MACROD2: variants seen among roughly 807,000 people sequenced by gnomAD.
MACROD2 encodes mono-ADP ribosylhydrolase 2.
Under a neutral mutation model 70.4 loss-of-function variants are expected in MACROD2, and 36 were observed. That is an observed-to-expected ratio of 0.51 (90% CI 0.39 to 0.68). The LOEUF is 0.68. MACROD2 is among the 30% of genes least tolerant of loss of function. MACROD2 has a pLI of 0.00. For synonymous variants in MACROD2, 172 were observed against 178.8 expected (o/e 0.96, Z 0.30); for missense variants, 496 against 538.4 (o/e 0.92, Z 0.78).
chr20:14,060,144 G>A, intron 2 of MACROD2, among the ~76,000 whole-genome samples: 1 of 152,152 alleles, frequency 6.6e-6, no homozygotes, highest in East Asian at 1.9e-4. Flanking sequence ...AAACAAAATT[G>A]AAGTTACTTT....
Position 15,711,112 on chromosome 20 carries a change from C to T in MACROD2, c.646-151633C>T, listed in dbSNP as rs76174529. Among the ~76,000 whole-genome samples the T allele has an allele frequency of 2.6e-3, 395 of 152,244 alleles. 3 individuals are homozygous for T. Among genetic ancestry groups the T allele is most frequent in the African/African-American group, 9.1e-3 (379 of 41,538 alleles). On this transcript the variant is annotated intron_variant, in intron 8 of 17. Coordinates refer to ENST00000684519, the MANE Select transcript of MACROD2 (RefSeq NM_001351661.2). ...CTCCGGTGTCCCCGTTTTGAATTCTCCAAGTCTGTGAAGGGTGTTGAAGAC... is the reference window on the plus strand; with the variant it reads ...CTCCGGTGTCCCCGTTTTGAATTCTTCAAGTCTGTGAAGGGTGTTGAAGAC...
intron 3 of MACROD2, among the ~76,000 whole-genome samples, chr20:14,133,594 A>G (rs1053859013): frequency 6.6e-6 from 1 of 152,244 alleles, no homozygotes; most frequent in African/African-American, 2.4e-5. Context: ...CATTTCAGAT[A>G]GGTTTGTTAG....
chr20:14,130,765 A>G (rs1353774076), intron 3 of MACROD2, among the ~76,000 whole-genome samples: 5 of 152,118 alleles, frequency 3.3e-5, no homozygotes, highest in Admixed American at 6.5e-5. Context: ...CCTTTCAAAT[A>G]AAAGCAAATT....
At chr20:14,685,592 G>T (rs957178642) in intron 5 of MACROD2, among the ~76,000 whole-genome samples, 1 of 152,164 alleles carries the variant, frequency 6.6e-6, no homozygotes, top group Non-Finnish European at 1.5e-5. Flanking sequence ...TCAACCAACT[G>T]GGTGGCATGG....
chr20:14,346,055 C>T (rs1033763597), intron 3 of MACROD2, among the ~76,000 whole-genome samples: 1 of 135,498 alleles, frequency 7.4e-6, no homozygotes. Flanking sequence ...GATTGCACCA[C>T]TGCACTCCAG....
chr20:15,710,236 A>C (rs1325828750), intron 8 of MACROD2, among the ~76,000 whole-genome samples: 2 of 152,122 alleles, frequency 1.3e-5, no homozygotes, highest in African/African-American at 4.8e-5. Context: ...AGGATGCAAA[A>C]AAAGTGAACC....
At chr20:14,779,378 T>G (rs930020624) in intron 5 of MACROD2, among the ~76,000 whole-genome samples, 2 of 152,116 alleles carry the variant, frequency 1.3e-5, no homozygotes, top group African/African-American at 4.8e-5. Context: ...TATTGACATG[T>G]AATGATATAT....
At chr20:16,043,847 C>T (rs1398573132) in intron 16 of MACROD2, among the ~76,000 whole-genome samples, 2 of 152,034 alleles carry the variant, frequency 1.3e-5, no homozygotes, top group African/African-American at 2.4e-5. Flanking sequence ...TTTGCTTTGC[C>T]TTCTCTCTTT....
intron 8 of MACROD2, among the ~76,000 whole-genome samples, chr20:15,583,786 G>A (rs2048559464): frequency 6.6e-6 from 1 of 152,184 alleles, no homozygotes; most frequent in Non-Finnish European, 1.5e-5. Flanking sequence ...TGAGATTACA[G>A]GTGTGTGCCA....
chr20:14,615,693 G>T (rs939449293), intron 4 of MACROD2, among the ~76,000 whole-genome samples: 1 of 152,136 alleles, frequency 6.6e-6, no homozygotes, highest in African/African-American at 2.4e-5. Context: ...ATATGTGCCA[G>T]TGTGTATTAG....
chr20:16,028,607 T>G (rs1358411217), intron 15 of MACROD2, among the ~76,000 whole-genome samples: 1 of 152,182 alleles, frequency 6.6e-6, no homozygotes, highest in Non-Finnish European at 1.5e-5. Context: ...TGATTTTGAT[T>G]AGGGTAGAGT....
intron 8 of MACROD2, among the ~76,000 whole-genome samples, chr20:15,501,588 A>G (rs867795662): frequency 6.6e-6 from 1 of 152,168 alleles, no homozygotes; most frequent in Admixed American, 6.5e-5. Context: ...TTTTGCTTTC[A>G]TATCCTTTTA....
chr20:15,915,411 CA>C (rs762648314), intron 10 of MACROD2, among the ~76,000 whole-genome samples: 1 of 152,074 alleles, frequency 6.6e-6, no homozygotes, highest in Non-Finnish European at 1.5e-5. Flanking sequence ...AGCTCTGTGC[CA>C]GGTACTAGGA....
chr20:14,854,923 G>T (rs1449427808), intron 5 of MACROD2, among the ~76,000 whole-genome samples: 1 of 152,136 alleles, frequency 6.6e-6, no homozygotes, highest in Non-Finnish European at 1.5e-5. Context: ...GGCTGAGGCA[G>T]GAGAATGGCG....
At chr20:15,931,826 A>C (rs6105497) in intron 10 of MACROD2, among the ~76,000 whole-genome samples, 9,554 of 152,044 alleles carry the variant, frequency 0.063, 733 homozygotes, top group African/African-American at 0.18. Context: ...GGTCAAATCT[A>C]AATGTTTCCC....
At chr20:14,236,825 A>T (rs2081877647) in intron 3 of MACROD2, among the ~76,000 whole-genome samples, 2 of 152,150 alleles carry the variant, frequency 1.3e-5, no homozygotes, top group South Asian at 4.1e-4. Context: ...TTTTAGATAC[A>T]CCATATTTTA....
At chr20:15,152,370 G>A (rs186241056) in intron 5 of MACROD2, among the ~76,000 whole-genome samples, 31 of 151,754 alleles carry the variant, frequency 2.0e-4, no homozygotes, top group African/African-American at 7.0e-4. Context: ...CGGAGAAGAG[G>A]TGGGGGTTCT....
intron 4 of MACROD2, among the ~76,000 whole-genome samples, chr20:14,578,359 G>T (rs1187077140): frequency 6.6e-6 from 1 of 152,096 alleles, no homozygotes; most frequent in African/African-American, 2.4e-5. Context: ...TTTCAGTGAA[G>T]AGAAAATTGT....
In MACROD2 at chr20:16,049,848, C is replaced by G. The variant is rs529893943; in HGVS notation, c.1319C>G (p.Ala440Gly). The change falls in exon 18 of 18, where the codon GCG becomes GGG. Residue 440 changes from alanine (A) to glycine (G), a missense_variant. By Grantham distance (60) the Ala-to-Gly change is moderately conservative. Transcript: ENST00000684519. ...TCTTCAGCAGGGGCACAAGATGAAGCGAAGGAACAAAGAAATGGAACTAAA... is the reference window on the plus strand; with the variant it reads ...TCTTCAGCAGGGGCACAAGATGAAGGGAAGGAACAAAGAAATGGAACTAAA... ...DQLIAGAQDE[A>G]KEQRNGTK 1 of 1,604,456 alleles carries G rather than the reference C, an allele frequency of 6.2e-7. No individual in the cohort carries two copies. Among genetic ancestry groups the G allele is most frequent in the South Asian group, 1.1e-5 (1 of 90,878 alleles).
Sources: allele counts gnomAD v4.1 joint callset (sites outside exome capture counted in the v4.1 genomes callset), GRCh38; gene constraint gnomAD v4.1.1; transcripts MANE v1.5; gene names NCBI Gene and HGNC (gene_info 2026-07-23, HGNC 2026-07-21).